The following CPQ variants were observed in gnomAD, a reference collection of about 807,000 sequenced individuals.
CPQ encodes the protein Ser-Met dipeptidase.
In CPQ, 37 loss-of-function variants were observed where a neutral mutation model predicts 45.7. The observed-to-expected ratio is 0.81, with a 90% confidence interval of 0.62 to 1.07. CPQ has a LOEUF of 1.07. CPQ is among the 50% of genes least tolerant of loss of function. The probability of loss-of-function intolerance (pLI) is 0.00; values close to 1 mark genes in which losing one functional copy is unlikely to be tolerated. For synonymous variants in CPQ, 186 were observed against 205.8 expected, an observed-to-expected ratio of 0.90 and a Z score of 0.82; for missense variants, 537 against 572.9, an observed-to-expected ratio of 0.94 and a Z score of 0.64.
intron 1 of CPQ, among the ~76,000 whole-genome samples, chr8:96,652,444 A>G (rs370868598): frequency 6.6e-6 from 1 of 152,218 alleles, no homozygotes; most frequent in South Asian, 2.1e-4. Context: ...ATGGGATTGC[A>G]TATGTCTCTT....
At chr8:96,777,723 A>AACATATATATATATATAT (rs1810624594) in intron 1 of CPQ, among the ~76,000 whole-genome samples, 1 of 37,832 alleles carries the variant, frequency 2.6e-5, no homozygotes, top group Admixed American at 5.2e-4. Context: ...TGTCTTAGAA[A>AACATATATATATATATAT]ATATATATAT....
chr8:97,111,265 A>G (rs537191470), intron 7 of CPQ, among the ~76,000 whole-genome samples: 1 of 152,128 alleles, frequency 6.6e-6, no homozygotes, highest in Non-Finnish European at 1.5e-5. Flanking sequence ...CTCCTCCTAG[A>G]AGCTGTCTTC....
intron 3 of CPQ, among the ~76,000 whole-genome samples, chr8:96,870,553 G>T (rs1812053940): frequency 6.6e-6 from 1 of 151,970 alleles, no homozygotes; most frequent in Admixed American, 6.6e-5. Flanking sequence ...GATTGCCAGG[G>T]TTCAGTTCTG....
At chr8:97,027,166 C>T (rs998655601) in intron 5 of CPQ, among the ~76,000 whole-genome samples, 1 of 152,070 alleles carries the variant, frequency 6.6e-6, no homozygotes, top group Non-Finnish European at 1.5e-5. Flanking sequence ...AAGCACATTC[C>T]TTTGAAAGAA....
chr8:97,019,155 A>G (rs912644103), intron 5 of CPQ, among the ~76,000 whole-genome samples: 39 of 152,318 alleles, frequency 2.6e-4, no homozygotes, highest in African/African-American at 8.9e-4. Flanking sequence ...AGAAAGATAC[A>G]GCCTTTTTCA....
chr8:97,110,534 G>A (rs917793635), intron 7 of CPQ, among the ~76,000 whole-genome samples: 5 of 152,160 alleles, frequency 3.3e-5, no homozygotes, highest in African/African-American at 1.2e-4. Flanking sequence ...CTAAGAAGCT[G>A]TCAAACTATT....
intron 7 of CPQ, among the ~76,000 whole-genome samples, chr8:97,109,786 T>A (rs1266043282): frequency 1.3e-5 from 2 of 152,120 alleles, no homozygotes; most frequent in Non-Finnish European, 2.9e-5. Flanking sequence ...TCCGCCTCCC[T>A]TTCTGGCTTT....
intron 1 of CPQ, among the ~76,000 whole-genome samples, chr8:96,744,572 T>A (rs1001873943): frequency 2.6e-5 from 4 of 152,256 alleles, no homozygotes; most frequent in Non-Finnish European, 5.9e-5. Flanking sequence ...CATCTTTTTT[T>A]ATCAATAATC....
intron 4 of CPQ, among the ~76,000 whole-genome samples, chr8:96,936,424 C>T (rs575328795): frequency 2.0e-5 from 3 of 152,208 alleles, no homozygotes; most frequent in South Asian, 4.2e-4. Context: ...ATTTACTTTC[C>T]GTGATGCTTT....
chr8:96,821,656 C>T (rs1456147313), intron 2 of CPQ, among the ~76,000 whole-genome samples: 1 of 151,964 alleles, frequency 6.6e-6, no homozygotes, highest in African/African-American at 2.4e-5. Flanking sequence ...TTATAATACA[C>T]ATTTTTCATG....
At chr8:97,032,846 T>C (rs1429535530) in intron 6 of CPQ, among the ~76,000 whole-genome samples, 1 of 152,204 alleles carries the variant, frequency 6.6e-6, no homozygotes, top group East Asian at 1.9e-4. Context: ...ACAAACCATA[T>C]ATAATGAAGT....
At chr8:96,703,990 AT>A (rs749584007) in intron 1 of CPQ, among the ~76,000 whole-genome samples, 35 of 152,288 alleles carry the variant, frequency 2.3e-4, no homozygotes, top group Non-Finnish European at 4.4e-4. Flanking sequence ...GTTCTTTGGC[AT>A]CTTGGAAAAT....
At chr8:97,005,842 A>G (rs1809372668) in intron 5 of CPQ, among the ~76,000 whole-genome samples, 1 of 152,200 alleles carries the variant, frequency 6.6e-6, no homozygotes, top group Admixed American at 6.5e-5. Flanking sequence ...GTAGTCGTTC[A>G]AGGCTAATCT....
chr8:96,738,639 T>G (rs1253449006), intron 1 of CPQ, among the ~76,000 whole-genome samples: 1 of 151,542 alleles, frequency 6.6e-6, no homozygotes, highest in Non-Finnish European at 1.5e-5. Flanking sequence ...GTCCCCAGAG[T>G]GTGATGTTCC....
At chr8:96,672,991 G>A (rs1161368605) in intron 1 of CPQ, among the ~76,000 whole-genome samples, 2 of 152,040 alleles carry the variant, frequency 1.3e-5, no homozygotes, top group African/African-American at 4.8e-5. Flanking sequence ...TTCACTCTGG[G>A]TAAGAGTGTG....
At chr8:96,710,926 T>C (rs912236664) in intron 1 of CPQ, among the ~76,000 whole-genome samples, 3 of 152,224 alleles carry the variant, frequency 2.0e-5, no homozygotes, top group African/African-American at 7.2e-5. Flanking sequence ...ATGATCTGTC[T>C]AGTGCTGTCA....
In CPQ at chr8:96,862,284, T is replaced by TTGTGTGTGTG. The variant is rs34611818; in HGVS notation, c.642-17486_642-17477dup. Among the ~76,000 whole-genome samples the TTGTGTGTGTG allele has an allele frequency of 2.5e-3, 346 of 141,192 alleles. 4 individuals carry two copies. The highest frequency in any genetic ancestry group is 8.5e-3 in the African/African-American group (325 of 38,078). 92.6% of individuals were successfully genotyped at this position (141,192 alleles called of 152,430 possible). ...GGGACAATAATATTGATTTTTGCATTTGTGTGTGTGTGTGTGTGTGTGTGT... is the reference window on the plus strand; with the variant it reads ...GGGACAATAATATTGATTTTTGCATTTGTGTGTGTGTGTGTGTGTGTGTGTGTGTGTGTGT... On this transcript the variant is annotated intron_variant, in intron 3 of 7. Coordinates refer to ENST00000220763, the MANE Select transcript of CPQ (RefSeq NM_016134.4).
rs552368596 is a variant in CPQ, at chr8:97,067,321, G to A, written c.1255+1111G>A. Among the ~76,000 whole-genome samples the A allele has an allele frequency of 9.2e-5, 14 of 152,216 alleles. No individual in the cohort carries two copies. In the East Asian group the frequency reaches 2.3e-3, roughly 25 times the overall value. ...AGTTTACTGATATTGTTTGTGACCC[G>A]AGGTTGCTTCCTCAACACCATTATA... On this transcript the variant is annotated intron_variant, in intron 7 of 7. Transcript: ENST00000220763.
intron 7 of CPQ, among the ~76,000 whole-genome samples, chr8:97,105,430 A>G (rs543408929): frequency 6.6e-6 from 1 of 152,326 alleles, no homozygotes; most frequent in Admixed American, 6.5e-5. Context: ...ATTCCATTGT[A>G]TGTGTATACC....
Sources: allele counts gnomAD v4.1 joint callset (sites outside exome capture counted in the v4.1 genomes callset), GRCh38; gene constraint gnomAD v4.1.1; transcripts MANE v1.5; gene names NCBI Gene and HGNC (gene_info 2026-07-23, HGNC 2026-07-21).